LMBR1: variants seen among roughly 807,000 people sequenced by gnomAD.
LMBR1 encodes limb development membrane protein 1, also known as limb region 1 protein homolog.
A neutral mutation model predicts 73.9 loss-of-function variants in LMBR1; 52 were observed. That is an observed-to-expected ratio of 0.70 (90% confidence interval 0.56 to 0.89). The LOEUF (loss-of-function observed/expected upper bound fraction) is 0.89. LMBR1 is among the 40% of genes least tolerant of loss of function. The pLI is 0.00. For synonymous variants in LMBR1, 215 were observed against 209.4 expected, an observed-to-expected ratio of 1.03 and a Z score of -0.23; for missense variants, 539 against 579.8, an observed-to-expected ratio of 0.93 and a Z score of 0.72.
chr7:156,697,033 T>G (rs1808425199), intron 15 of LMBR1, among the ~76,000 whole-genome samples: 2 of 149,930 alleles, frequency 1.3e-5, no homozygotes, highest in Admixed American at 1.3e-4. Context: ...CTATTTTCCA[T>G]AAGTGTAGGC....
chr7:156,714,647 A>ATG (rs767501708), intron 15 of LMBR1, among the ~76,000 whole-genome samples: 19 of 152,048 alleles, frequency 1.2e-4, no homozygotes, highest in Non-Finnish European at 1.6e-4. Flanking sequence ...TCCACTGTGC[A>ATG]TGTGTGTGTG....
intron 4 of LMBR1, among the ~76,000 whole-genome samples, chr7:156,672,056 C>T (rs982823409): frequency 5.9e-5 from 9 of 152,146 alleles, no homozygotes; most frequent in Non-Finnish European, 1.3e-4. Flanking sequence ...AATCAAACAC[C>T]TGAGTGTGGA....
At chr7:156,891,926 T>C (rs925427858) in intron 1 of LMBR1, among the ~76,000 whole-genome samples, 2 of 152,230 alleles carry the variant, frequency 1.3e-5, no homozygotes, top group African/African-American at 4.8e-5. Context: ...TAGATAATTC[T>C]AAAGCAGAAT....
chr7:156,770,733 G>T (rs942582449), intron 5 of LMBR1, among the ~76,000 whole-genome samples: 2 of 152,044 alleles, frequency 1.3e-5, no homozygotes, highest in African/African-American at 4.8e-5. Context: ...GGGCAACATA[G>T]CAAGACCTTA....
At chr7:156,848,573 T>C (rs1486279035) in intron 1 of LMBR1, among the ~76,000 whole-genome samples, 4 of 152,190 alleles carry the variant, frequency 2.6e-5, no homozygotes, top group Non-Finnish European at 5.9e-5. Context: ...ATAAACTGGC[T>C]AGTGGAACTG....
intron 15 of LMBR1, among the ~76,000 whole-genome samples, chr7:156,706,341 C>T (rs573048980): frequency 6.6e-6 from 1 of 152,160 alleles, no homozygotes; most frequent in African/African-American, 2.4e-5. Context: ...CTTCAACACC[C>T]TATTCATAGC....
intron 3 of LMBR1, among the ~76,000 whole-genome samples, chr7:156,831,962 G>A (rs971243858): frequency 6.6e-6 from 1 of 152,136 alleles, no homozygotes; most frequent in African/African-American, 2.4e-5. Flanking sequence ...TCTCTTATTC[G>A]TTGTAGCTTT....
At chr7:156,792,153 T>A (rs578215585) in intron 5 of LMBR1, among the ~76,000 whole-genome samples, 2 of 152,246 alleles carry the variant, frequency 1.3e-5, no homozygotes, top group African/African-American at 4.8e-5. Flanking sequence ...AACCTGGAGG[T>A]CTTTTCTGGA....
At chr7:156,687,929 T>C in intron 16 of LMBR1, 101 bp downstream of exon 16, 2 of 1,159,304 alleles carry the variant, frequency 1.7e-6, no homozygotes, top group Non-Finnish European at 2.4e-6. Context: ...TCTAAGGTTT[T>C]ACAAATTTGG....
intron 1 of LMBR1, among the ~76,000 whole-genome samples, chr7:156,870,736 G>A (rs542439306): frequency 4.0e-5 from 6 of 148,580 alleles, no homozygotes; most frequent in South Asian, 4.2e-4. Context: ...CAACCTGGGC[G>A]ACAGAGCGAG....
chr7:156,696,398 A>G (rs768887672), intron 15 of LMBR1, among the ~76,000 whole-genome samples: 2 of 152,242 alleles, frequency 1.3e-5, no homozygotes, highest in Non-Finnish European at 2.9e-5. Flanking sequence ...AAATTAACAA[A>G]AGATCTTAAT....
intron 15 of LMBR1, among the ~76,000 whole-genome samples, chr7:156,720,086 A>G (rs1814193595): frequency 2.6e-5 from 4 of 151,916 alleles, no homozygotes; most frequent in South Asian, 4.2e-4. Context: ...AATGGCAACA[A>G]AAGCCAAAAT....
At chr7:156,827,776 A>G (rs943204019) in intron 3 of LMBR1, among the ~76,000 whole-genome samples, 2 of 152,234 alleles carry the variant, frequency 1.3e-5, no homozygotes, top group Non-Finnish European at 2.9e-5. Context: ...TTTGAGGCCA[A>G]TGCCATCTTG....
At chr7:156,853,293 T>C in intron 1 of LMBR1, among the ~76,000 whole-genome samples, 1 of 152,060 alleles carries the variant, frequency 6.6e-6, no homozygotes, top group East Asian at 1.9e-4. Flanking sequence ...TTAATACTAA[T>C]TTCACTAATA....
intron 12 of LMBR1, among the ~76,000 whole-genome samples, chr7:156,726,358 T>A (rs557277207): frequency 1.2e-4 from 19 of 152,184 alleles, no homozygotes; most frequent in African/African-American, 4.6e-4. Flanking sequence ...GAATTCAGAG[T>A]TACAAAGGAT....
intron 1 of LMBR1, among the ~76,000 whole-genome samples, chr7:156,838,356 C>T (rs1453013718): frequency 6.6e-6 from 1 of 152,116 alleles, no homozygotes; most frequent in Non-Finnish European, 1.5e-5. Flanking sequence ...TACCCTTTGA[C>T]CAACATCTCT....
chr7:156,844,606 C>A (rs1194012602), intron 1 of LMBR1, among the ~76,000 whole-genome samples: 4 of 138,392 alleles, frequency 2.9e-5, no homozygotes, highest in Non-Finnish European at 1.5e-5. Context: ...AAGTGAAGTA[C>A]ACCTGAATGA....
intron 5 of LMBR1, among the ~76,000 whole-genome samples, chr7:156,774,940 C>G (rs1279167977): frequency 2.0e-5 from 3 of 152,150 alleles, no homozygotes; most frequent in Non-Finnish European, 4.4e-5. Flanking sequence ...TGCATGTTCT[C>G]CCCTGTAAGT....
chr7:156,724,189 A>G lies in LMBR1; in HGVS notation c.1159-11T>C. ...ACAATTTCCAATGATCTGTTATGAGAAACGAGAAAGAATATTGGGCAGTTA... is the reference window on the plus strand; with the variant it reads ...ACAATTTCCAATGATCTGTTATGAGGAACGAGAAAGAATATTGGGCAGTTA... On this transcript the variant is annotated splice_polypyrimidine_tract_variant and intron_variant, in intron 14 of 16. Transcript: ENST00000353442. 6.2e-7 allele frequency: 1 copy of G among 1,605,132 alleles called. No individual in the cohort carries two copies.
Sources: gnomAD v4.1 joint callset for allele counts (sites outside exome capture counted in the v4.1 genomes callset) on GRCh38, gnomAD v4.1.1 for gene constraint, MANE v1.5 for transcripts, NCBI Gene and HGNC (gene_info 2026-07-23, HGNC 2026-07-21) for gene names.